KCNIP4: variants seen among roughly 807,000 people sequenced by gnomAD.
KCNIP4 encodes the protein Kv channel-interacting protein 4.
A neutral mutation model predicts 34.0 loss-of-function variants in KCNIP4; 12 were observed. That is an observed-to-expected ratio of 0.35 (90% confidence interval 0.23 to 0.57). The LOEUF is 0.57. KCNIP4 is among the 20% of genes least tolerant of loss of function. The pLI is 0.83. For synonymous variants in KCNIP4, 124 were observed against 102.2 expected (o/e 1.21, Z -1.29); for missense variants, 238 against 311.7 (o/e 0.76, Z 1.78).
chr4:21,212,473 G>C (rs556278773), intron 1 of KCNIP4, among the ~76,000 whole-genome samples: 6 of 152,306 alleles, frequency 3.9e-5, no homozygotes, highest in African/African-American at 1.4e-4. Flanking sequence ...TCATTATCAA[G>C]AGGGCTTCGT....
intron 3 of KCNIP4, among the ~76,000 whole-genome samples, chr4:20,781,615 G>A (rs1017239175): frequency 4.6e-5 from 7 of 152,178 alleles, no homozygotes; most frequent in African/African-American, 4.8e-5. Flanking sequence ...CAGATCTCAT[G>A]AGACTTATTC....
At chr4:21,336,285 A>T (rs553715812) in intron 1 of KCNIP4, among the ~76,000 whole-genome samples, 7 of 152,074 alleles carry the variant, frequency 4.6e-5, no homozygotes, top group Non-Finnish European at 1.0e-4. Flanking sequence ...TACCACAAAC[A>T]CTTTAGCTGT....
intron 1 of KCNIP4, among the ~76,000 whole-genome samples, chr4:21,421,026 G>A (rs1390205503): frequency 6.6e-6 from 1 of 152,066 alleles, no homozygotes; most frequent in Non-Finnish European, 1.5e-5. Context: ...TGGCCAACGG[G>A]CATATGAAAT....
intron 1 of KCNIP4, among the ~76,000 whole-genome samples, chr4:21,911,110 T>C (rs1578136261): frequency 6.6e-6 from 1 of 152,286 alleles, no homozygotes; most frequent in East Asian, 1.9e-4. Context: ...AAGATCAATT[T>C]TGGCAACTTT....
intron 1 of KCNIP4, among the ~76,000 whole-genome samples, chr4:21,114,791 C>G (rs904815283): frequency 6.6e-6 from 1 of 152,068 alleles, no homozygotes; most frequent in Non-Finnish European, 1.5e-5. Context: ...GGAATTTGCT[C>G]AAAGTTATAC....
At chr4:21,475,673 A>C (rs1730889837) in intron 1 of KCNIP4, among the ~76,000 whole-genome samples, 1 of 152,188 alleles carries the variant, frequency 6.6e-6, no homozygotes, top group South Asian at 2.1e-4. Context: ...ATACTCTGGA[A>C]CAGTCCTCGA....
intron 1 of KCNIP4, among the ~76,000 whole-genome samples, chr4:21,109,343 T>C (rs1748923593): frequency 1.3e-5 from 2 of 152,254 alleles, no homozygotes; most frequent in Non-Finnish European, 2.9e-5. Context: ...TGCCTTGCAG[T>C]TTGATCTCAG....
At chr4:21,580,221 CAG>C (rs1450846868) in intron 1 of KCNIP4, among the ~76,000 whole-genome samples, 1 of 152,032 alleles carries the variant, frequency 6.6e-6, no homozygotes, top group Non-Finnish European at 1.5e-5. Context: ...GACCTTGAGC[CAG>C]AGACTCTTTT....
chr4:21,945,099 G>A (rs1223159075), intron 1 of KCNIP4, among the ~76,000 whole-genome samples: 1 of 152,012 alleles, frequency 6.6e-6, no homozygotes, highest in Non-Finnish European at 1.5e-5. Context: ...CACATGTTCT[G>A]GAAAAAGTGA....
chr4:20,983,993 G>T, intron 1 of KCNIP4: 5 of 1,521,628 alleles, frequency 3.3e-6, no homozygotes, highest in Non-Finnish European at 4.4e-6. Flanking sequence ...TTACAGAATC[G>T]TAGCAACGTC....
rs73242599 is a variant in KCNIP4 at position 20,958,319 on chromosome 4, C to T, written c.62-75610G>A. Among the ~76,000 whole-genome samples, 799 of 152,244 alleles carry T rather than the reference C, an allele frequency of 5.2e-3. 3 individuals carry two copies. Among genetic ancestry groups the T allele is most frequent in the Middle Eastern group, 0.01 (3 of 294 alleles). On this transcript the variant is annotated intron_variant, in intron 1 of 8. Transcript: ENST00000382152. ...GCAAAATCTACCACTGTACTTATTC[C>T]TTCATTGAGAAAATGGGGTGCTTTA...
At chr4:20,820,948 C>A (rs954946694) in intron 3 of KCNIP4, among the ~76,000 whole-genome samples, 6 of 152,142 alleles carry the variant, frequency 3.9e-5, no homozygotes, top group African/African-American at 1.4e-4. Flanking sequence ...CACAGAGTGC[C>A]CAAGCTGTGG....
At chr4:21,218,872 C>A (rs1403554870) in intron 1 of KCNIP4, among the ~76,000 whole-genome samples, 1 of 152,092 alleles carries the variant, frequency 6.6e-6, no homozygotes, top group African/African-American at 2.4e-5. Flanking sequence ...GGAGTATTAA[C>A]TCTGGTTTCT....
At chr4:20,777,099 A>C (rs28613514) in intron 3 of KCNIP4, among the ~76,000 whole-genome samples, 65,260 of 151,958 alleles carry the variant, frequency 0.43, 14,281 homozygotes, top group Admixed American at 0.53. Context: ...CTGTTCAAGA[A>C]TGGGTAATTT....
At chr4:21,780,353 GT>G (rs927901249) in intron 1 of KCNIP4, among the ~76,000 whole-genome samples, 309 of 152,086 alleles carry the variant, frequency 2.0e-3, no homozygotes, top group African/African-American at 7.3e-3. Context: ...AAAATAAACA[GT>G]TTGCTTGAAA....
At chr4:21,386,852 C>T (rs954711000) in intron 1 of KCNIP4, among the ~76,000 whole-genome samples, 1 of 152,072 alleles carries the variant, frequency 6.6e-6, no homozygotes, top group East Asian at 1.9e-4. Context: ...GCCTATCTAG[C>T]CTCAAAATCT....
chr4:20,957,359 C>T (rs1340725883), intron 1 of KCNIP4, among the ~76,000 whole-genome samples: 4 of 152,148 alleles, frequency 2.6e-5, no homozygotes, highest in Non-Finnish European at 5.9e-5. Flanking sequence ...ACACACTATA[C>T]TCATTATCTC....
At chr4:21,081,564 A>T (rs1746009492) in intron 1 of KCNIP4, among the ~76,000 whole-genome samples, 1 of 151,810 alleles carries the variant, frequency 6.6e-6, no homozygotes, top group South Asian at 2.1e-4. Context: ...AGAAGGTAAG[A>T]AAAGTAATTC....
At chr4:21,221,583 T>C (rs1757984625) in intron 1 of KCNIP4, among the ~76,000 whole-genome samples, 1 of 152,132 alleles carries the variant, frequency 6.6e-6, no homozygotes, top group African/African-American at 2.4e-5. Context: ...ACCGCACCCA[T>C]GATTCAATTA....
Sources: allele counts gnomAD v4.1 joint callset (sites outside exome capture counted in the v4.1 genomes callset), GRCh38; gene constraint gnomAD v4.1.1; transcripts MANE v1.5; gene names NCBI Gene and HGNC (gene_info 2026-07-23, HGNC 2026-07-21).